Variants in TMEM255A observed in about 807,000 individuals in gnomAD.
TMEM255A encodes the protein transmembrane protein 255A.
TMEM255A carries 14 observed loss-of-function variants against 23.5 expected under a neutral mutation model. The observed-to-expected ratio is 0.60, with a 90% CI of 0.39 to 0.93. The LOEUF (loss-of-function observed/expected upper bound fraction) is 0.93. Among genes scored for constraint, TMEM255A ranks in the 40% least tolerant of loss-of-function variants. The pLI, the probability that TMEM255A is intolerant of heterozygous loss-of-function variation, is 0.00. For synonymous variants in TMEM255A, 104 were observed against 100.3 expected, an observed-to-expected ratio of 1.04 and a Z score of -0.22; for missense variants, 233 against 261.7, an observed-to-expected ratio of 0.89 and a Z score of 0.76.
intron 3 of TMEM255A, among the ~76,000 whole-genome samples, chrX:120,292,466 A>G (rs2057922479): frequency 1.8e-5 from 2 of 111,060 alleles, no homozygotes. Flanking sequence ...AGAAAATCAA[A>G]ATCAAGGCCA....
At chrX:120,264,879 C>CTT (rs3030544) in intron 8 of TMEM255A, among the ~76,000 whole-genome samples, 4,916 of 93,618 alleles carry the variant, frequency 0.053, 229 homozygotes, top group African/African-American at 0.12. Context: ...CTTGACTTTC[C>CTT]TTTTTTTTTT....
Position 120,265,270 on chromosome X carries a change from G to A in TMEM255A, c.819+2974C>T, listed in dbSNP as rs962825315. Reference sequence around the variant, plus strand: ...GAAAGCTAAACTAAAATACTAAAATGAAACCATTTAAGTTCTAGAGAGAAA... The same window carrying A: ...GAAAGCTAAACTAAAATACTAAAATAAAACCATTTAAGTTCTAGAGAGAAA... On this transcript the variant is annotated intron_variant, in intron 8 of 8. Transcript: ENST00000371369. Among the ~76,000 whole-genome samples the A allele has an allele frequency of 1.3e-4, 15 of 112,268 alleles. No individual in the cohort carries two copies. In the Admixed American group the frequency reaches 1.4e-3, roughly 11 times the overall value.
At position 120,271,104 on chromosome X, in the gene TMEM255A, C is replaced by G. The variant is rs185137269; in HGVS notation, c.676-2717G>C. ...TTCCCGGGATTCACATTTGATAATG[C>G]TCGGTACTTCCCTTGCTCTCCTTCC... On this transcript the variant is annotated intron_variant, in intron 7 of 8. Coordinates refer to ENST00000371369, the MANE Select transcript of TMEM255A (RefSeq NM_001104544.3). Among the ~76,000 whole-genome samples, 88 of 111,543 alleles carry G rather than the reference C, an allele frequency of 7.9e-4. 1 individual carries two copies. The highest frequency in any genetic ancestry group is 2.7e-3 in the African/African-American group (82 of 30,714).
At position 120,260,958 on chromosome X, in the gene TMEM255A, G is replaced by T. The variant is rs1556016550; in HGVS notation, c.890C>A (p.Pro297His). Residue 297 changes from proline (P) to histidine (H), a missense_variant, in exon 9 of 9, where the codon CCC becomes CAC. Coordinates refer to ENST00000371369, the MANE Select transcript of TMEM255A (RefSeq NM_001104544.3). ...SDEPQSASPS[P>H]SYMWSSSAPP... is the part of the protein sequence containing the mutation. The stretch of plus-strand genomic sequence containing the variant: ...TGCACTTGAGGACCACATGTAGCTG[G>T]GTGAGGGAGAGGCAGACTGGGGCTC... 22 of 1,198,975 alleles carry T rather than the reference G, an allele frequency of 1.8e-5. No individual in the cohort carries two copies. Among genetic ancestry groups the T allele is most frequent in the Non-Finnish European group, 2.5e-5 (22 of 891,382 alleles).
At chrX:120,291,611 A>G in intron 3 of TMEM255A, among the ~76,000 whole-genome samples, 1 of 103,534 alleles carries the variant, frequency 9.7e-6, no homozygotes, top group Non-Finnish European at 2.0e-5. Context: ...GGTATCTAGC[A>G]TGCTGTCCAT....
intron 1 of TMEM255A, among the ~76,000 whole-genome samples, chrX:120,305,534 C>T (rs1556026877): frequency 9.0e-6 from 1 of 110,919 alleles, no homozygotes; most frequent in East Asian, 2.8e-4. Context: ...CGCCCACCCA[C>T]GTGGCTTGAC....
intron 7 of TMEM255A, among the ~76,000 whole-genome samples, chrX:120,273,679 C>T (rs2057777166): frequency 1.8e-5 from 2 of 112,372 alleles, no homozygotes; most frequent in African/African-American, 6.5e-5. Context: ...CCCAACATCA[C>T]TGGTCAGCAG....
chrX:120,311,279 T>G lies in TMEM255A; in HGVS notation c.31A>C (p.Ser11Arg). ...ATGGAATCGGGCAGGGACATGTCGC[T>G]GGACCGCTGCTGAGTCAGGGACTGA... MHQSLTQQRSSDMSLPDSMGA... is the reference protein window; with the variant it reads MHQSLTQQRSRDMSLPDSMGA... Residue 11 changes from serine to arginine, a missense_variant, in exon 1 of 9, where the codon AGC becomes CGC. Ser to Arg is a moderately radical substitution (Grantham distance 110, BLOSUM62 -1). Transcript: ENST00000371369. 8.4e-7 allele frequency: 1 copy of G among 1,185,768 alleles called. No individual in the cohort carries two copies. Among genetic ancestry groups the G allele is most frequent in the Non-Finnish European group, 1.1e-6 (1 of 882,014 alleles).
downstream of TMEM255A, chrX:120,254,984 G>A (rs150678838): frequency 2.1e-4 from 256 of 1,210,499 alleles, no homozygotes; most frequent in African/African-American, 3.8e-3. Flanking sequence ...AGAAGTATCC[G>A]TGCCGTTACT....
Position 120,260,805 on chromosome X carries a change from C to T in TMEM255A, c.*65G>A. On this transcript the variant is annotated 3_prime_UTR_variant, in exon 9 of 9. Transcript: ENST00000371369. ...GTCACACTTTAAATTTTGTACCCTA[C>T]ACACTTCCACTGAAGCAGAAATACA... 1 of 1,177,771 alleles carries T rather than the reference C, an allele frequency of 8.5e-7. No individual in the cohort carries two copies. Among genetic ancestry groups the T allele is most frequent in the South Asian group, 1.9e-5 (1 of 51,745 alleles).
intron 6 of TMEM255A, among the ~76,000 whole-genome samples, 183 bp from the exon 7 acceptor site, chrX:120,277,230 C>T (rs1368054239): frequency 1.8e-5 from 2 of 111,583 alleles, no homozygotes; most frequent in East Asian, 5.6e-4. Flanking sequence ...GATTGTTTAT[C>T]CCCACTCCCC....
intron 6 of TMEM255A, among the ~76,000 whole-genome samples, chrX:120,278,024 G>A (rs952975119): frequency 3.6e-5 from 4 of 111,642 alleles, no homozygotes; most frequent in East Asian, 2.8e-4. Context: ...GGTCCTAATC[G>A]GATAGGATTG....
intron 3 of TMEM255A, among the ~76,000 whole-genome samples, chrX:120,292,637 G>A (rs2057923997): frequency 9.0e-6 from 1 of 110,507 alleles, no homozygotes; most frequent in Admixed American, 9.6e-5. Context: ...ATATGCACCT[G>A]TAATCCCAGC....
intron 7 of TMEM255A, among the ~76,000 whole-genome samples, 157 bp downstream of exon 7, chrX:120,276,728 C>T (rs2057801201): frequency 9.0e-6 from 1 of 111,544 alleles, no homozygotes; most frequent in Admixed American, 9.4e-5. Flanking sequence ...TTACCTGGCT[C>T]CTTCAACTTG....
At chrX:120,307,674 G>C (rs1474805722) in intron 1 of TMEM255A, among the ~76,000 whole-genome samples, 1 of 112,353 alleles carries the variant, frequency 8.9e-6, no homozygotes, top group South Asian at 3.7e-4. Flanking sequence ...GGGTACACCT[G>C]AGGGTTCCCT....
chrX:120,294,016 T>G lies in TMEM255A; in HGVS notation c.237A>C (p.Ser79=), dbSNP rs1556023500. ...TCTGCCTTTTGTTCTCAATAAGGTT[T>G]GATCCAATGATTCCAAGGAACGATC... ...GFGSFLGIIG[S]NLIENKRQML... Residue 79 remains serine (S), a synonymous_variant, in exon 3 of 9, where the codon TCA becomes TCC. Coordinates refer to ENST00000371369, the MANE Select transcript of TMEM255A (RefSeq NM_001104544.3). The G allele has an allele frequency of 8.4e-7, 1 of 1,195,120 alleles. No individual in the cohort carries two copies. Among genetic ancestry groups the G allele is most frequent in the Admixed American group, 2.2e-5 (1 of 45,566 alleles).
chrX:120,287,280 T>C (rs2057883165), intron 4 of TMEM255A, 58 bp from the exon 5 acceptor site: 16 of 855,895 alleles, frequency 1.9e-5, no homozygotes, highest in Non-Finnish European at 2.5e-5. Context: ...AAACAGCAAG[T>C]GTTGTACTTG....
intron 7 of TMEM255A, among the ~76,000 whole-genome samples, chrX:120,274,675 A>C (rs1183811057): frequency 3.6e-5 from 4 of 112,303 alleles, no homozygotes; most frequent in Admixed American, 9.4e-5. Flanking sequence ...CTAGTAACTC[A>C]AAGTATAAAC....
At chrX:120,252,931 AGTAT>A in the TMEM255A span, among the ~76,000 whole-genome samples, 1 of 112,229 alleles carries the variant, frequency 8.9e-6, no homozygotes, top group African/African-American at 3.2e-5. Context: ...TAAAATTAAG[AGTAT>A]GTATTTCAGA....
Sources: gnomAD v4.1 joint callset for allele counts (sites outside exome capture counted in the v4.1 genomes callset) on GRCh38, gnomAD v4.1.1 for gene constraint, MANE v1.5 for transcripts, NCBI Gene and HGNC (gene_info 2026-07-23, HGNC 2026-07-21) for gene names.